DENND1A: variants seen among roughly 807,000 people sequenced by gnomAD.
The protein encoded by DENND1A is DENN domain containing 1A, also known as DENN domain-containing protein 1A.
DENND1A carries 51 observed loss-of-function variants against 113.7 expected under a neutral mutation model. That is an observed-to-expected ratio of 0.45 (90% CI 0.36 to 0.57). DENND1A has a LOEUF of 0.57. DENND1A is among the 20% of genes least tolerant of loss of function. The pLI is 0.00. For missense variants in DENND1A, 1,258 were observed against 1,395.9 expected (o/e 0.90, Z 1.57); for synonymous variants, 565 against 570.8 (o/e 0.99, Z 0.14).
intron 2 of DENND1A, among the ~76,000 whole-genome samples, chr9:123,824,640 GT>G (rs1211373613): frequency 2.0e-5 from 3 of 152,204 alleles, no homozygotes; most frequent in African/African-American, 7.2e-5. Context: ...CCAAATGGGT[GT>G]TTATAGAGTT....
intron 20 of DENND1A, among the ~76,000 whole-genome samples, chr9:123,409,544 G>T (rs530707912): frequency 6.6e-6 from 1 of 151,378 alleles, no homozygotes; most frequent in African/African-American, 2.4e-5. Flanking sequence ...AGAGAGCTTG[G>T]AATACTGGCA....
rs757295587 is a variant in DENND1A at position 123,781,243 on chromosome 9, A to G, written c.132+11344T>C. Among the ~76,000 whole-genome samples, 102 of 152,316 alleles carry G rather than the reference A, an allele frequency of 6.7e-4. 1 individual carries two copies. The highest frequency in any genetic ancestry group is 1.3e-3 in the Non-Finnish European group (90 of 68,040). ...CCAGTTTGCCCAGGACATCCCAGTT[A>G]TGCCCACGATTTCTGTGTAGTCACA... On this transcript the variant is annotated intron_variant, in intron 3 of 23. Coordinates refer to ENST00000394215, the MANE Select transcript of DENND1A (RefSeq NM_001352964.2).
At chr9:123,432,511 C>T (rs1201528818) in intron 19 of DENND1A, among the ~76,000 whole-genome samples, 1 of 152,194 alleles carries the variant, frequency 6.6e-6, no homozygotes, top group East Asian at 1.9e-4. Flanking sequence ...GCACAGAGGC[C>T]GGATCAGAGC....
At chr9:123,446,176 T>C (rs1358348493) in intron 18 of DENND1A, among the ~76,000 whole-genome samples, 2 of 152,354 alleles carry the variant, frequency 1.3e-5, no homozygotes, top group Non-Finnish European at 2.9e-5. Context: ...GTCTGACTCA[T>C]GCTGCGGGTG....
chr9:123,607,488 GACACACACACACACACAC>G (rs10557656), intron 11 of DENND1A, among the ~76,000 whole-genome samples: 1 of 70,992 alleles, frequency 1.4e-5, no homozygotes, highest in Non-Finnish European at 2.8e-5. Context: ...CAGAGAGAGA[GACACACACACACACACAC>G]ACACACACAC....
chr9:123,381,396 C>T lies in DENND1A; in HGVS notation c.*36G>A, dbSNP rs771106767. The T allele has an allele frequency of 1.4e-5, 23 of 1,595,630 alleles. No individual in the cohort carries two copies. The Middle Eastern group carries it at 5.0e-4, about 35-fold the overall frequency. On this transcript the variant is annotated 3_prime_UTR_variant, in exon 24 of 24. Coordinates refer to ENST00000394215, the MANE Select transcript of DENND1A (RefSeq NM_001352964.2). This position sits in a 1 kb window ranked among gnomAD's most constrained non-coding sequence, Gnocchi z 4.7. Reference sequence around the variant, plus strand: ...GGAACCGCAGCAGTGGACGGACCCTCGGGCCTCGGTGCATCCCCCACCCTC... The same window carrying T: ...GGAACCGCAGCAGTGGACGGACCCTTGGGCCTCGGTGCATCCCCCACCCTC...
At chr9:123,797,587 T>C (rs1833974786) in intron 2 of DENND1A, among the ~76,000 whole-genome samples, 1 of 152,180 alleles carries the variant, frequency 6.6e-6, no homozygotes, top group Non-Finnish European at 1.5e-5. Context: ...TCAAGGACAC[T>C]AGTAAACTTA....
intron 3 of DENND1A, among the ~76,000 whole-genome samples, chr9:123,790,380 A>C (rs1832820228): frequency 6.7e-6 from 1 of 150,082 alleles, no homozygotes; most frequent in African/African-American, 2.4e-5. Context: ...CTTGGGTTAT[A>C]GGAGGCGAAA....
chr9:123,676,864 T>G, intron 5 of DENND1A, 75 bp from the exon 6 acceptor site: 2 of 1,390,356 alleles, frequency 1.4e-6, no homozygotes, highest in Non-Finnish European at 2.0e-6. Flanking sequence ...AATTCAAGAC[T>G]GATACATTTC....
intron 2 of DENND1A, among the ~76,000 whole-genome samples, chr9:123,816,812 G>A (rs1837568669): frequency 6.6e-6 from 1 of 152,122 alleles, no homozygotes; most frequent in Admixed American, 6.5e-5. Context: ...ACATTGAAAG[G>A]GTTAAAGGAA....
chr9:123,598,893 G>C (rs1454971748), intron 11 of DENND1A, among the ~76,000 whole-genome samples: 1 of 152,140 alleles, frequency 6.6e-6, no homozygotes, highest in Admixed American at 6.5e-5. Context: ...ATTATATTTG[G>C]CTAAGGAAGT....
chr9:123,438,767 C>T (rs2046707415), intron 19 of DENND1A, among the ~76,000 whole-genome samples: 1 of 152,160 alleles, frequency 6.6e-6, no homozygotes, highest in Non-Finnish European at 1.5e-5. Context: ...GTTTATCCCC[C>T]ACCCGTGCAC....
intron 8 of DENND1A, among the ~76,000 whole-genome samples, chr9:123,654,482 C>T (rs751914690): frequency 8.6e-5 from 13 of 151,924 alleles, no homozygotes; most frequent in Non-Finnish European, 1.2e-4. Flanking sequence ...ACAAATCCTG[C>T]GCCTTATTTT....
At position 123,679,031 on chromosome 9, in the gene DENND1A, ATTT is replaced by A. The variant is rs1024824266; in HGVS notation, c.303-2245_303-2243del. Among the ~76,000 whole-genome samples the A allele has an allele frequency of 8.4e-4, 127 of 151,182 alleles. 2 individuals carry two copies. Among genetic ancestry groups the A allele is most frequent in the Non-Finnish European group, 3.0e-5 (2 of 67,692 alleles). On this transcript the variant is annotated intron_variant, in intron 5 of 23. Transcript: ENST00000394215. Reference sequence around the variant, plus strand: ...AAACAAATTTGACCAAGGATTACAAATTTTTTTTTTCCTGAAAGCAAAATACCA... The same window carrying A: ...AAACAAATTTGACCAAGGATTACAAATTTTTTTCCTGAAAGCAAAATACCA...
intron 3 of DENND1A, among the ~76,000 whole-genome samples, chr9:123,779,037 T>G (rs1830860823): frequency 6.6e-6 from 1 of 152,254 alleles, no homozygotes; most frequent in Admixed American, 6.5e-5. Flanking sequence ...GCATGGACTC[T>G]TCATAGAGAC....
At chr9:123,624,861 C>T (rs530725549) in intron 10 of DENND1A, among the ~76,000 whole-genome samples, 17 of 152,132 alleles carry the variant, frequency 1.1e-4, no homozygotes, top group Admixed American at 2.0e-4. Flanking sequence ...AATGTATCTC[C>T]AAGAAAACAT....
intron 5 of DENND1A, among the ~76,000 whole-genome samples, chr9:123,678,420 T>C (rs1294220474): frequency 6.6e-6 from 1 of 152,182 alleles, no homozygotes; most frequent in East Asian, 1.9e-4. Context: ...AAGCTACATC[T>C]AACAGCAAGC....
At chr9:123,820,775 G>A (rs1368363663) in intron 2 of DENND1A, among the ~76,000 whole-genome samples, 1 of 152,010 alleles carries the variant, frequency 6.6e-6, no homozygotes, top group East Asian at 1.9e-4. Flanking sequence ...TTTATCCATA[G>A]CAAATAATGT....
intron 16 of DENND1A, among the ~76,000 whole-genome samples, 193 bp downstream of exon 16, chr9:123,454,546 C>CAAGTG (rs2047970464): frequency 6.6e-6 from 1 of 152,208 alleles, no homozygotes; most frequent in Non-Finnish European, 1.5e-5. Context: ...CAGCCCCCAC[C>CAAGTG]AAGTGATGGC....
Sources: allele counts gnomAD v4.1 joint callset (sites outside exome capture counted in the v4.1 genomes callset), GRCh38; gene constraint gnomAD v4.1.1; non-coding constraint Gnocchi (gnomAD v3.1); transcripts MANE v1.5; gene names NCBI Gene and HGNC (gene_info 2026-07-23, HGNC 2026-07-21).